KDM4C: variants seen among roughly 807,000 people sequenced by gnomAD.
KDM4C encodes lysine demethylase 4C.
A neutral mutation model predicts 129.3 loss-of-function variants in KDM4C; 81 were observed. The ratio of observed to expected loss-of-function variants is 0.63; its 90% CI spans 0.52 to 0.75. The LOEUF is 0.75. Ranked by LOEUF, KDM4C falls within the 30% of genes least tolerant of loss-of-function variation. The pLI is 0.00. For missense variants in KDM4C, 1,457 were observed against 1,304.0 expected (o/e 1.12, Z -1.81); for synonymous variants, 573 against 456.1 (o/e 1.26, Z -3.26).
At chr9:7,112,479 C>G (rs533966316) in intron 18 of KDM4C, among the ~76,000 whole-genome samples, 1 of 152,150 alleles carries the variant, frequency 6.6e-6, no homozygotes, top group South Asian at 2.1e-4. Flanking sequence ...TATGAGGACA[C>G]TTTGGAGGTG....
chr9:6,842,312 C>CT (rs759138371), intron 4 of KDM4C, among the ~76,000 whole-genome samples: 2,592 of 97,898 alleles, frequency 0.026, 51 homozygotes, highest in Non-Finnish European at 0.028. Context: ...ATCCACATTT[C>CT]TTTTTTTTTT....
chr9:7,038,195 A>T (rs1827976138), intron 15 of KDM4C, among the ~76,000 whole-genome samples: 2 of 152,200 alleles, frequency 1.3e-5, no homozygotes, highest in East Asian at 3.9e-4. Flanking sequence ...TTCTTGTAAA[A>T]AGGTTTAATT....
chr9:6,865,224 G>A (rs1370166388), intron 5 of KDM4C, among the ~76,000 whole-genome samples: 2 of 152,020 alleles, frequency 1.3e-5, no homozygotes, highest in Admixed American at 6.5e-5. Context: ...TTGCCAGGAT[G>A]GTCTCGATCT....
At chr9:6,848,414 C>T (rs1838234381) in intron 4 of KDM4C, among the ~76,000 whole-genome samples, 1 of 152,134 alleles carries the variant, frequency 6.6e-6, no homozygotes, top group Non-Finnish European at 1.5e-5. Flanking sequence ...CGCTTGTAAT[C>T]TCAGCACTTT....
intron 3 of KDM4C, among the ~76,000 whole-genome samples, chr9:6,807,579 G>A (rs1447386216): frequency 6.7e-6 from 1 of 149,742 alleles, no homozygotes; most frequent in South Asian, 2.1e-4. Context: ...CCGAGACCCC[G>A]TCTGGGAGGT....
At chr9:6,726,321 G>C (rs982114694) in intron 1 of KDM4C, among the ~76,000 whole-genome samples, 2 of 152,194 alleles carry the variant, frequency 1.3e-5, no homozygotes, top group African/African-American at 4.8e-5. Context: ...TGTTTTGAAG[G>C]TTTTCTCGAC....
intron 15 of KDM4C, 23 bp downstream of exon 15, chr9:7,015,952 G>C: frequency 6.4e-7 from 1 of 1,563,532 alleles, no homozygotes. Context: ...TTTTAGTATT[G>C]CTTAACCTTT....
chr9:6,990,353 T>C, intron 11 of KDM4C, 63 bp from the exon 12 acceptor site: 1 of 1,052,588 alleles, frequency 9.5e-7, no homozygotes, highest in Non-Finnish European at 1.4e-6. Flanking sequence ...ACTGTAGGGT[T>C]TTTTTTTTTT....
intron 3 of KDM4C, among the ~76,000 whole-genome samples, chr9:6,811,438 T>C (rs1831129968): frequency 6.6e-6 from 1 of 152,164 alleles, no homozygotes; most frequent in African/African-American, 2.4e-5. Context: ...TCCATTCATC[T>C]GTTTTTCTTT....
intron 9 of KDM4C, among the ~76,000 whole-genome samples, chr9:6,983,762 A>C (rs569215187): frequency 1.4e-5 from 2 of 145,182 alleles, no homozygotes; most frequent in South Asian, 2.3e-4. Flanking sequence ...TACTTTTAGC[A>C]CTAGCCTAAC....
chr9:6,989,871 C>T (rs1205093172), intron 11 of KDM4C, among the ~76,000 whole-genome samples: 1 of 152,032 alleles, frequency 6.6e-6, no homozygotes, highest in Non-Finnish European at 1.5e-5. Context: ...ACCTCCTGGG[C>T]TCAAGGGATC....
intron 15 of KDM4C, among the ~76,000 whole-genome samples, chr9:7,043,184 C>T (rs1828874188): frequency 6.6e-6 from 1 of 151,916 alleles, no homozygotes; most frequent in African/African-American, 2.4e-5. Context: ...TGGCATGGTA[C>T]GTGGAATGCA....
intron 4 of KDM4C, among the ~76,000 whole-genome samples, chr9:6,840,083 T>C (rs999929098): frequency 2.6e-5 from 4 of 151,074 alleles, no homozygotes; most frequent in African/African-American, 9.7e-5. Flanking sequence ...AATTTCCTCT[T>C]TTTTTTTGGA....
intron 12 of KDM4C, among the ~76,000 whole-genome samples, chr9:7,010,838 G>A (rs1309063987): frequency 2.6e-5 from 4 of 152,158 alleles, no homozygotes; most frequent in Admixed American, 6.5e-5. Context: ...GAGGTCAGGA[G>A]TTCTAGACCA....
intron 2 of KDM4C, among the ~76,000 whole-genome samples, chr9:6,794,717 T>C (rs1383322424): frequency 1.3e-5 from 2 of 152,116 alleles, no homozygotes; most frequent in Non-Finnish European, 2.9e-5. Context: ...TCTTATCTTA[T>C]TCTTACGGGT....
At chr9:6,757,036 A>T (rs1242693044), upstream of KDM4C, among the ~76,000 whole-genome samples, 6 of 152,168 alleles carry the variant, frequency 3.9e-5, no homozygotes, top group African/African-American at 1.4e-4. Context: ...CTCTGTAGGA[A>T]GTTTAAAAAA....
intron 5 of KDM4C, among the ~76,000 whole-genome samples, chr9:6,878,810 C>T (rs1172588089): frequency 1.3e-5 from 2 of 151,946 alleles, no homozygotes; most frequent in African/African-American, 2.4e-5. Context: ...CACCCACACC[C>T]ACACCCACAC....
intron 5 of KDM4C, among the ~76,000 whole-genome samples, chr9:6,879,675 G>A (rs80207968): frequency 0.15 from 22,601 of 152,014 alleles, 2,329 homozygotes; most frequent in East Asian, 0.48. Context: ...AGAGTGCTGG[G>A]GTGCTATGAG....
chr9:7,008,595 T>G (rs549102619), intron 12 of KDM4C, among the ~76,000 whole-genome samples: 1 of 152,208 alleles, frequency 6.6e-6, no homozygotes, highest in East Asian at 1.9e-4. Context: ...TTGGGCCAAC[T>G]CCCACAGACC....
Sources: allele counts gnomAD v4.1 joint callset (sites outside exome capture counted in the v4.1 genomes callset), GRCh38; gene constraint gnomAD v4.1.1; transcripts MANE v1.5; gene names NCBI Gene and HGNC (gene_info 2026-07-23, HGNC 2026-07-21).